CGNL1: variants seen among roughly 807,000 people sequenced by gnomAD.
CGNL1 encodes the protein cingulin like 1.
CGNL1 carries 132 observed loss-of-function variants against 141.2 expected under a neutral mutation model. The observed-to-expected ratio is 0.93, with a 90% CI of 0.81 to 1.08. The LOEUF (loss-of-function observed/expected upper bound fraction) is 1.08. CGNL1 is among the 50% of genes least tolerant of loss of function. The probability of loss-of-function intolerance (pLI) is 0.00; values close to 1 mark genes in which losing one functional copy is unlikely to be tolerated. For missense variants in CGNL1, 1,870 were observed against 1,588.6 expected, an observed-to-expected ratio of 1.18 and a Z score of -3.01; for synonymous variants, 690 against 622.1, an observed-to-expected ratio of 1.11 and a Z score of -1.63.
intron 5 of CGNL1, among the ~76,000 whole-genome samples, chr15:57,451,833 AC>A (rs2063326033): frequency 6.6e-6 from 1 of 152,122 alleles, no homozygotes; most frequent in Admixed American, 6.5e-5. Context: ...AGTAAAAGAA[AC>A]CCTGTTGGAT....
intron 14 of CGNL1, among the ~76,000 whole-genome samples, chr15:57,539,038 C>T (rs1447049716): frequency 6.6e-6 from 1 of 152,154 alleles, no homozygotes. Flanking sequence ...TCCCGCCCAG[C>T]GCCCAGCTTG....
At position 57,439,594 on chromosome 15, in the gene CGNL1, A is replaced by T. The variant is rs750012914; in HGVS notation, c.1595A>T (p.Asn532Ile). 5 of 1,612,882 alleles carry T rather than the reference A, an allele frequency of 3.1e-6. No individual in the cohort carries two copies. Among genetic ancestry groups the T allele is most frequent in the Non-Finnish European group, 4.2e-6 (5 of 1,179,908 alleles). ...ISVKTFPSAS[N>I]TQATPDLLKG... The stretch of plus-strand genomic sequence containing the variant: ...GTGAAGACATTTCCTTCGGCCTCAA[A>T]TACTCAGGTAACACTAGTGCGATTC... Residue 532 changes from asparagine (N) to isoleucine (I), a missense_variant, in exon 2 of 19, where the codon AAT becomes ATT. Physicochemically the swap from Asn to Ile is moderately radical, Grantham distance 149 (BLOSUM62 -3). Transcript: ENST00000281282.
At chr15:57,509,931 G>A (rs2030103363) in intron 8 of CGNL1, among the ~76,000 whole-genome samples, 1 of 152,186 alleles carries the variant, frequency 6.6e-6, no homozygotes, top group South Asian at 2.1e-4. Flanking sequence ...CCTTGACTGG[G>A]AAATGGGGCT....
At chr15:57,446,216 T>C (rs2063249318) in intron 4 of CGNL1, among the ~76,000 whole-genome samples, 1 of 152,206 alleles carries the variant, frequency 6.6e-6, no homozygotes, top group South Asian at 2.1e-4. Context: ...TTTATTGGGG[T>C]ATAACTTATA....
chr15:57,505,555 GC>G (rs1461426917), intron 8 of CGNL1, among the ~76,000 whole-genome samples: 2 of 152,180 alleles, frequency 1.3e-5, no homozygotes, highest in African/African-American at 4.8e-5. Context: ...TCAGGGAACA[GC>G]CTACTACTTT....
intron 8 of CGNL1, among the ~76,000 whole-genome samples, chr15:57,489,668 T>A (rs1360425127): frequency 6.6e-6 from 1 of 152,230 alleles, no homozygotes; most frequent in Admixed American, 6.5e-5. Flanking sequence ...GAAGAGACGA[T>A]TCTTGCCTCA....
intron 8 of CGNL1, among the ~76,000 whole-genome samples, chr15:57,516,308 A>C (rs2030793554): frequency 6.6e-6 from 1 of 152,186 alleles, no homozygotes; most frequent in African/African-American, 2.4e-5. Context: ...GATCTTGGAC[A>C]AGTTACTTAA....
chr15:57,456,781 A>G (rs8028787), intron 7 of CGNL1, among the ~76,000 whole-genome samples: 7,210 of 152,258 alleles, frequency 0.047, 267 homozygotes, highest in South Asian at 0.15. Context: ...CTAATTATCA[A>G]ATGTCTGCTT....
Position 57,439,081 on chromosome 15 carries a change from A to G in CGNL1, c.1082A>G (p.Asp361Gly). 1 of 1,613,892 alleles carries G rather than the reference A, an allele frequency of 6.2e-7. No homozygotes were observed. The highest frequency in any genetic ancestry group is 8.5e-7 in the Non-Finnish European group (1 of 1,179,962). The change falls in exon 2 of 19, where the codon GAT becomes GGT. Residue 361 changes from aspartate (D) to glycine (G), a missense_variant. Physicochemically the swap from Asp to Gly is moderately conservative, Grantham distance 94. Coordinates refer to ENST00000281282, the MANE Select transcript of CGNL1 (RefSeq NM_032866.5). Reference protein sequence around the residue: ...PGVDQLIEKFDQKPGLQRRGR... With the variant: ...PGVDQLIEKFGQKPGLQRRGR... ...GTGGATCAGTTAATTGAAAAATTTGATCAAAAACCTGGGCTTCAGAGAAGA... is the reference window on the plus strand; with the variant it reads ...GTGGATCAGTTAATTGAAAAATTTGGTCAAAAACCTGGGCTTCAGAGAAGA...
At chr15:57,393,858 A>G (rs2062569860) in intron 1 of CGNL1, 1 of 152,072 alleles carries the variant, frequency 6.6e-6, no homozygotes, top group East Asian at 1.9e-4. Context: ...TATGATAACA[A>G]TTAATGATAC....
rs57437418 is a variant in CGNL1 at position 57,491,485 on chromosome 15, C to T, written c.2404-25295C>T. Among the ~76,000 whole-genome samples the T allele has an allele frequency of 2.9e-3, 436 of 152,290 alleles. 3 individuals carry two copies. The highest frequency in any genetic ancestry group is 9.9e-3 in the African/African-American group (412 of 41,556). On this transcript the variant is annotated intron_variant, in intron 8 of 18. Transcript: ENST00000281282. ...GCAAGGCTGTGAGCTCTTCATTCATCTTTATGCACAGCTTCTGGCACACAA... is the reference window on the plus strand; with the variant it reads ...GCAAGGCTGTGAGCTCTTCATTCATTTTTATGCACAGCTTCTGGCACACAA...
At chr15:57,399,995 T>C (rs545190867) in intron 1 of CGNL1, among the ~76,000 whole-genome samples, 1 of 76,356 alleles carries the variant, frequency 1.3e-5, no homozygotes, top group African/African-American at 4.9e-5. Flanking sequence ...GTATTTCTAA[T>C]ACCTTTTTTT....
intron 9 of CGNL1, among the ~76,000 whole-genome samples, chr15:57,517,745 C>T (rs1253709869): frequency 6.6e-6 from 1 of 152,200 alleles, no homozygotes; most frequent in Non-Finnish European, 1.5e-5. Flanking sequence ...GGAACCTACT[C>T]CTGTGATGAC....
chr15:57,431,793 G>A (rs1368033431), intron 1 of CGNL1, among the ~76,000 whole-genome samples: 2 of 152,014 alleles, frequency 1.3e-5, no homozygotes, highest in Admixed American at 1.3e-4. Flanking sequence ...TGTGGCCCAA[G>A]ACAATTGGTC....
intron 1 of CGNL1, among the ~76,000 whole-genome samples, chr15:57,398,042 A>C (rs1260260858): frequency 1.3e-5 from 2 of 152,184 alleles, no homozygotes; most frequent in Non-Finnish European, 2.9e-5. Flanking sequence ...CAGCTTCCCA[A>C]AGTGCTGGGA....
intron 1 of CGNL1, among the ~76,000 whole-genome samples, chr15:57,387,894 G>T (rs1189414145): frequency 2.0e-5 from 3 of 152,228 alleles, no homozygotes; most frequent in Admixed American, 1.3e-4. Context: ...CCCAGACTGG[G>T]TTCAGAGATG....
rs151031750 is a variant in CGNL1 at position 57,543,760 on chromosome 15, A to G, written c.3356A>G (p.Lys1119Arg). 4.0e-4 allele frequency: 652 copies of G among 1,613,960 alleles called. 1 individual carries two copies. The highest frequency in any genetic ancestry group is 5.2e-4 in the Non-Finnish European group (614 of 1,179,958). Residue 1119 changes from lysine (K) to arginine (R), a missense_variant, in exon 15 of 19, where the codon AAG becomes AGG. By Grantham distance (26) the Lys-to-Arg change is conservative. Coordinates refer to ENST00000281282, the MANE Select transcript of CGNL1 (RefSeq NM_032866.5). The part of the protein sequence containing the change: ...RAARQDLECD[K>R]ISLERQNKDL... ...GCGAGACAAGACTTGGAGTGCGACAAGATTTCCCTGGAGAGGCAGGTGAGG... is the reference window on the plus strand; with the variant it reads ...GCGAGACAAGACTTGGAGTGCGACAGGATTTCCCTGGAGAGGCAGGTGAGG...
intron 4 of CGNL1, among the ~76,000 whole-genome samples, chr15:57,443,364 C>G (rs1427302841): frequency 6.6e-6 from 1 of 152,194 alleles, no homozygotes; most frequent in Non-Finnish European, 1.5e-5. Flanking sequence ...ACACTCGTTC[C>G]TCAATCTTCC....
At chr15:57,430,491 A>G (rs12593479) in intron 1 of CGNL1, among the ~76,000 whole-genome samples, 4,684 of 152,366 alleles carry the variant, frequency 0.031, 227 homozygotes, top group East Asian at 0.13. Context: ...TTAAAGTAAT[A>G]CAAATTAAAA....
Sources: gnomAD v4.1 joint callset for allele counts (sites outside exome capture counted in the v4.1 genomes callset) on GRCh38, gnomAD v4.1.1 for gene constraint, MANE v1.5 for transcripts, NCBI Gene and HGNC (gene_info 2026-07-23, HGNC 2026-07-21) for gene names.